KCNIP4: variants seen among roughly 807,000 people sequenced by gnomAD.
The protein encoded by KCNIP4 is Kv channel-interacting protein 4.
KCNIP4 carries 12 observed loss-of-function variants against 34.0 expected under a neutral mutation model. The observed-to-expected ratio is 0.35, with a 90% confidence interval of 0.23 to 0.57. KCNIP4 has a LOEUF of 0.57. Among genes scored for constraint, KCNIP4 ranks in the 20% least tolerant of loss-of-function variants. The probability of loss-of-function intolerance (pLI) is 0.83; values close to 1 mark genes in which losing one functional copy is unlikely to be tolerated. For missense variants in KCNIP4, 238 were observed against 311.7 expected (o/e 0.76, Z 1.78); for synonymous variants, 124 against 102.2 (o/e 1.21, Z -1.29).
At chr4:21,947,876 A>G (rs570823516) in intron 1 of KCNIP4, among the ~76,000 whole-genome samples, 4 of 152,220 alleles carry the variant, frequency 2.6e-5, no homozygotes, top group East Asian at 1.9e-4. Context: ...CTATTTCTCT[A>G]TGGATCCCAC....
At position 21,948,552 on chromosome 4, in the gene KCNIP4, C is replaced by G; in HGVS notation, c.61+19G>C. On this transcript the variant is annotated intron_variant, in intron 1 of 8. Coordinates refer to ENST00000382152, the MANE Select transcript of KCNIP4 (RefSeq NM_025221.6). ...GAGGGCGGAAGCGGGCGCCCGCTCG[C>G]AAGCTTATTGCATCCTACCGCCTGT... 6.2e-7 allele frequency: 1 copy of G among 1,610,814 alleles called. No homozygotes were observed. Among genetic ancestry groups the G allele is most frequent in the South Asian group, 1.1e-5 (1 of 90,476 alleles).
At chr4:21,446,473 T>C (rs1158713290) in intron 1 of KCNIP4, among the ~76,000 whole-genome samples, 2 of 151,858 alleles carry the variant, frequency 1.3e-5, no homozygotes, top group South Asian at 4.2e-4. Flanking sequence ...ATGTCCTTTG[T>C]AGGGACATGG....
chr4:21,503,945 TA>T, intron 1 of KCNIP4, among the ~76,000 whole-genome samples: 1 of 152,228 alleles, frequency 6.6e-6, no homozygotes, highest in East Asian at 1.9e-4. Context: ...GACTGACATT[TA>T]ATTACATAGA....
intron 1 of KCNIP4, among the ~76,000 whole-genome samples, chr4:21,313,554 C>T (rs992138706): frequency 7.2e-5 from 11 of 152,044 alleles, no homozygotes; most frequent in Admixed American, 3.9e-4. Context: ...AAACTAGAAT[C>T]GAATTATGAA....
intron 1 of KCNIP4, among the ~76,000 whole-genome samples, chr4:21,212,733 T>C (rs987041202): frequency 2.6e-5 from 4 of 152,128 alleles, no homozygotes; most frequent in African/African-American, 9.7e-5. Flanking sequence ...AGGACTGTTT[T>C]ATAAAGTCAC....
At chr4:20,891,855 GC>G (rs1283961677) in intron 1 of KCNIP4, among the ~76,000 whole-genome samples, 1 of 152,140 alleles carries the variant, frequency 6.6e-6, no homozygotes, top group African/African-American at 2.4e-5. Context: ...ATACTATGAT[GC>G]CTATTTTTAA....
chr4:21,441,998 A>G (rs1191311369), intron 1 of KCNIP4, among the ~76,000 whole-genome samples: 2 of 152,164 alleles, frequency 1.3e-5, no homozygotes, highest in Non-Finnish European at 2.9e-5. Flanking sequence ...GATACTCAAG[A>G]CTGGTCCTAC....
intron 1 of KCNIP4, among the ~76,000 whole-genome samples, chr4:21,910,474 C>T (rs1056531854): frequency 2.0e-5 from 3 of 152,124 alleles, no homozygotes; most frequent in Non-Finnish European, 4.4e-5. Context: ...CTCCTGATTT[C>T]ATCATAGAAT....
chr4:21,627,674 T>C (rs991471118), intron 1 of KCNIP4, among the ~76,000 whole-genome samples: 1 of 152,152 alleles, frequency 6.6e-6, no homozygotes, highest in South Asian at 2.1e-4. Context: ...CAAAACATAA[T>C]ATAAAAAGAA....
chr4:20,967,590 C>T (rs1440520416), intron 1 of KCNIP4, among the ~76,000 whole-genome samples: 1 of 152,086 alleles, frequency 6.6e-6, no homozygotes, highest in Non-Finnish European at 1.5e-5. Context: ...ATATATAGAC[C>T]AATGAAACAG....
chr4:20,810,001 A>G (rs1460582576), intron 3 of KCNIP4, among the ~76,000 whole-genome samples: 1 of 152,224 alleles, frequency 6.6e-6, no homozygotes, highest in Non-Finnish European at 1.5e-5. Flanking sequence ...CTTCAGCAGC[A>G]CGTTTTTGCA....
intron 1 of KCNIP4, among the ~76,000 whole-genome samples, chr4:21,273,229 TC>T (rs1409252320): frequency 4.6e-4 from 70 of 152,264 alleles, no homozygotes; most frequent in African/African-American, 1.6e-3. Flanking sequence ...AATATAAGTG[TC>T]TGCCCCACTA....
intron 1 of KCNIP4, among the ~76,000 whole-genome samples, chr4:21,797,981 A>G (rs1350773891): frequency 6.6e-6 from 1 of 152,140 alleles, no homozygotes; most frequent in Non-Finnish European, 1.5e-5. Flanking sequence ...AGTATGATGT[A>G]AGGATATACA....
rs111316531 is a variant in KCNIP4 at position 21,640,268 on chromosome 4, C to G, written c.61+308303G>C. Reference sequence around the variant, plus strand: ...GCTGCCACTTGGCCAGCCCCTGCCACCCCAGGATTCAATTACTCCCATTAC... The same window carrying G: ...GCTGCCACTTGGCCAGCCCCTGCCAGCCCAGGATTCAATTACTCCCATTAC... On this transcript the variant is annotated intron_variant, in intron 1 of 8. Transcript: ENST00000382152. Among the ~76,000 whole-genome samples, 855 of 152,284 alleles carry G rather than the reference C, an allele frequency of 5.6e-3. 9 individuals carry two copies. The highest frequency in any genetic ancestry group is 0.02 in the African/African-American group (819 of 41,554).
rs570489140 is a variant in KCNIP4, at chr4:20,857,013, T to C, written c.164-6346A>G. Among the ~76,000 whole-genome samples the C allele has an allele frequency of 3.3e-5, 5 of 150,116 alleles. No homozygotes were observed. The East Asian group carries it at 9.8e-4, about 29-fold the overall frequency. The stretch of plus-strand genomic sequence containing the variant: ...GCTGGAGGATCAGTATAATTAAGTG[T>C]GCGTGATAGGATGATCATCACATGC... On this transcript the variant is annotated intron_variant, in intron 2 of 8. Coordinates refer to ENST00000382152, the MANE Select transcript of KCNIP4 (RefSeq NM_025221.6).
chr4:20,822,672 T>TG (rs1488393230), intron 3 of KCNIP4, among the ~76,000 whole-genome samples: 1 of 152,174 alleles, frequency 6.6e-6, no homozygotes, highest in African/African-American at 2.4e-5. Flanking sequence ...TTGAGGCTAC[T>TG]GGGATACAAA....
intron 1 of KCNIP4, among the ~76,000 whole-genome samples, chr4:20,894,275 T>C (rs909007072): frequency 6.6e-6 from 1 of 152,162 alleles, no homozygotes; most frequent in South Asian, 2.1e-4. Flanking sequence ...GTGAGTAAGG[T>C]TGATTCTTCT....
At chr4:21,649,331 C>T (rs561175382) in intron 1 of KCNIP4, among the ~76,000 whole-genome samples, 6 of 152,238 alleles carry the variant, frequency 3.9e-5, no homozygotes, top group African/African-American at 1.2e-4. Context: ...ATCATTGGAG[C>T]CTGTATTTCA....
intron 1 of KCNIP4, among the ~76,000 whole-genome samples, chr4:21,747,724 A>G (rs146837866): frequency 6.6e-6 from 1 of 152,126 alleles, no homozygotes; most frequent in Non-Finnish European, 1.5e-5. Context: ...AAGGAGAAAC[A>G]TAATTGTAAA....
Sources: gnomAD v4.1 joint callset for allele counts (sites outside exome capture counted in the v4.1 genomes callset) on GRCh38, gnomAD v4.1.1 for gene constraint, MANE v1.5 for transcripts, NCBI Gene and HGNC (gene_info 2026-07-23, HGNC 2026-07-21) for gene names.